MMP16: variants seen among roughly 807,000 people sequenced by gnomAD.
The protein encoded by MMP16 is matrix metalloproteinase-16.
In MMP16, 12 loss-of-function variants were observed where a neutral mutation model predicts 67.8. The observed-to-expected ratio is 0.18, with a 90% confidence interval of 0.11 to 0.29. The LOEUF (loss-of-function observed/expected upper bound fraction) is 0.29. MMP16 is among the 10% of genes least tolerant of loss of function. The pLI, the probability that MMP16 is intolerant of heterozygous loss-of-function variation, is 1.00. For missense variants in MMP16, 475 were observed against 765.7 expected (o/e 0.62, Z 4.48); for synonymous variants, 249 against 255.9 (o/e 0.97, Z 0.26).
At chr8:88,047,324 C>T (rs572628620) in intron 8 of MMP16, among the ~76,000 whole-genome samples, 1 of 152,248 alleles carries the variant, frequency 6.6e-6, no homozygotes, top group South Asian at 2.1e-4. Flanking sequence ...CACAGATATG[C>T]TGTGGCTCTC....
At chr8:88,208,089 G>T (rs1294755184) in intron 1 of MMP16, among the ~76,000 whole-genome samples, 1 of 152,162 alleles carries the variant, frequency 6.6e-6, no homozygotes, top group Non-Finnish European at 1.5e-5. Context: ...TCATTGAGAA[G>T]AAAACATAGT....
chr8:88,178,971 C>T (rs750636061), intron 3 of MMP16, among the ~76,000 whole-genome samples: 8 of 151,526 alleles, frequency 5.3e-5, no homozygotes, highest in Admixed American at 2.0e-4. Flanking sequence ...AAAAAGAGAA[C>T]GGAATATCCA....
intron 1 of MMP16, among the ~76,000 whole-genome samples, chr8:88,198,491 A>T (rs1396743378): frequency 6.6e-6 from 1 of 152,136 alleles, no homozygotes; most frequent in Non-Finnish European, 1.5e-5. Flanking sequence ...TTCCCAAATA[A>T]CTGATATTCT....
At chr8:88,326,009 C>G (rs1363945504) in intron 1 of MMP16, among the ~76,000 whole-genome samples, 4 of 151,982 alleles carry the variant, frequency 2.6e-5, no homozygotes, top group African/African-American at 9.7e-5. Flanking sequence ...ACACTCCCAG[C>G]AAAATGACAA....
intron 9 of MMP16, among the ~76,000 whole-genome samples, chr8:88,042,290 A>C (rs1318508150): frequency 6.6e-6 from 1 of 152,156 alleles, no homozygotes; most frequent in Non-Finnish European, 1.5e-5. Flanking sequence ...GGAAATTTCT[A>C]ATCATCTTAG....
chr8:88,107,617 A>T (rs1809264926), intron 6 of MMP16, among the ~76,000 whole-genome samples: 1 of 151,250 alleles, frequency 6.6e-6, no homozygotes, highest in African/African-American at 2.4e-5. Flanking sequence ...AATAGGATAC[A>T]TCTTTCTATT....
At chr8:88,286,589 T>G (rs1166960672) in intron 1 of MMP16, among the ~76,000 whole-genome samples, 1 of 152,088 alleles carries the variant, frequency 6.6e-6, no homozygotes, top group Non-Finnish European at 1.5e-5. Flanking sequence ...AATTTTTTTT[T>G]TTTTAAGATG....
intron 4 of MMP16, among the ~76,000 whole-genome samples, chr8:88,164,587 G>A (rs1165861724): frequency 6.6e-6 from 1 of 152,120 alleles, no homozygotes; most frequent in Admixed American, 6.6e-5. Context: ...GTCAATTAAT[G>A]TCTCCCTAAT....
intron 6 of MMP16, among the ~76,000 whole-genome samples, chr8:88,088,051 T>TTATATATAGATATCTA (rs1563527969): frequency 7.7e-5 from 3 of 38,808 alleles, no homozygotes; most frequent in Non-Finnish European, 1.7e-4. Flanking sequence ...TAGATATCTA[T>TTATATATAGATATCTA]TATATCTATA....
chr8:88,282,610 T>A (rs969582630), intron 1 of MMP16, among the ~76,000 whole-genome samples: 8 of 152,194 alleles, frequency 5.3e-5, no homozygotes, highest in Non-Finnish European at 1.0e-4. Context: ...ACAATGTCTT[T>A]GAAGTTACTT....
intron 1 of MMP16, among the ~76,000 whole-genome samples, chr8:88,304,634 G>A (rs1246794458): frequency 1.3e-5 from 2 of 152,126 alleles, no homozygotes; most frequent in South Asian, 2.1e-4. Flanking sequence ...GAGATTGGGG[G>A]CCAATATTCA....
Position 88,046,618 on chromosome 8 carries a change from G to A in MMP16, c.1489+51C>T, listed in dbSNP as rs369608242. ...ATTTAGCAGAGTGAAAAAGCCTAAT[G>A]TGTTACTAAGATAGCAAACTTATGA... On this transcript the variant is annotated intron_variant, in intron 9 of 9. Transcript: ENST00000286614. The A allele has an allele frequency of 8.8e-4, 1,032 of 1,171,668 alleles. 10 individuals carry two copies. Among genetic ancestry groups the A allele is most frequent in the Middle Eastern group, 8.0e-3 (39 of 4,890 alleles). The allele number at this position is 1,171,668 out of a possible 1,614,324, so 72.6% of individuals were successfully genotyped here.
intron 6 of MMP16, 119 bp downstream of exon 6, chr8:88,116,388 G>T: frequency 3.6e-6 from 3 of 839,318 alleles, no homozygotes; most frequent in South Asian, 1.9e-5. Context: ...TGCTTTTTTT[G>T]AACTTTCTAA....
chr8:88,096,999 A>G lies in MMP16; in HGVS notation c.1083+19508T>C, dbSNP rs1329023678. On this transcript the variant is annotated intron_variant, in intron 6 of 9. Transcript: ENST00000286614. ...TTTCATTGAAAGAAAAGACATTCCT[A>G]GGGCAAAATCTGCTTTTCCACTGTA... Among the ~76,000 whole-genome samples the G allele has an allele frequency of 5.3e-5, 8 of 151,898 alleles. No homozygotes were observed. In the East Asian group the frequency reaches 1.6e-3, roughly 30 times the overall value.
intron 3 of MMP16, among the ~76,000 whole-genome samples, chr8:88,170,081 A>C (rs1808775667): frequency 6.6e-6 from 1 of 152,166 alleles, no homozygotes; most frequent in African/African-American, 2.4e-5. Flanking sequence ...AAGTGGTTGT[A>C]TTTTGGATAT....
At chr8:88,240,277 T>C (rs978811063) in intron 1 of MMP16, among the ~76,000 whole-genome samples, 2 of 152,176 alleles carry the variant, frequency 1.3e-5, no homozygotes, top group African/African-American at 4.8e-5. Context: ...GAGGATCAAA[T>C]TGAGAATGTA....
At chr8:88,277,019 T>C (rs1810659475) in intron 1 of MMP16, among the ~76,000 whole-genome samples, 1 of 152,190 alleles carries the variant, frequency 6.6e-6, no homozygotes, top group African/African-American at 2.4e-5. Context: ...TTTTCCTCTT[T>C]GGTATATTGG....
In MMP16 at chr8:88,270,531, A is replaced by G. The variant is rs192321601; in HGVS notation, c.132+56544T>C. 2.0e-5 allele frequency among the ~76,000 whole-genome samples: 3 copies of G among 152,352 alleles called. No homozygotes were observed. The East Asian group carries it at 5.8e-4, about 29-fold the overall frequency. On this transcript the variant is annotated intron_variant, in intron 1 of 9. Coordinates refer to ENST00000286614, the MANE Select transcript of MMP16 (RefSeq NM_005941.5). ...ACAGATATCCCACTGAATATTTACA[A>G]TAACTTTTAATGTACATTTTGTAGA...
chr8:88,320,741 T>C (rs995313688), intron 1 of MMP16, among the ~76,000 whole-genome samples: 1 of 152,148 alleles, frequency 6.6e-6, no homozygotes, highest in Non-Finnish European at 1.5e-5. Flanking sequence ...TTGGAGTCTT[T>C]AAGCAGCTCA....
Sources: allele counts gnomAD v4.1 joint callset (sites outside exome capture counted in the v4.1 genomes callset), GRCh38; gene constraint gnomAD v4.1.1; transcripts MANE v1.5; gene names NCBI Gene and HGNC (gene_info 2026-07-23, HGNC 2026-07-21).